The following RAPGEF4 variants were observed in gnomAD, a reference collection of about 807,000 sequenced individuals.
RAPGEF4 encodes the protein Rap guanine nucleotide exchange factor 4.
A neutral mutation model predicts 147.9 loss-of-function variants in RAPGEF4; 66 were observed. The observed-to-expected ratio is 0.45, with a 90% CI of 0.37 to 0.55. The LOEUF (loss-of-function observed/expected upper bound fraction) is 0.55, where lower values mean the gene tolerates loss of function less well. Among genes scored for constraint, RAPGEF4 ranks in the 20% least tolerant of loss-of-function variants. RAPGEF4 has a pLI of 0.00. For missense variants in RAPGEF4, 1,071 were observed against 1,257.3 expected (o/e 0.85, Z 2.24); for synonymous variants, 419 against 442.7 (o/e 0.95, Z 0.67).
Position 173,031,518 on chromosome 2 carries a change from T to G in RAPGEF4, c.2649+1264T>G, listed in dbSNP as rs112511720. 6.7e-3 allele frequency among the ~76,000 whole-genome samples: 1,021 copies of G among 152,180 alleles called. 14 individuals carry two copies. Among genetic ancestry groups the G allele is most frequent in the African/African-American group, 0.023 (937 of 41,524 alleles). The stretch of plus-strand genomic sequence containing the variant: ...CCCCCTGCCACAGAGTCCAAATTAG[T>G]TGGTTGGGGACATTTTAAAAAACCA... On this transcript the variant is annotated intron_variant, in intron 26 of 30. Transcript: ENST00000397081.
intron 4 of RAPGEF4, among the ~76,000 whole-genome samples, chr2:172,853,433 T>C (rs1038503282): frequency 2.6e-5 from 4 of 152,140 alleles, no homozygotes; most frequent in African/African-American, 7.2e-5. Flanking sequence ...TTGTTTATTA[T>C]AGTTATCATC....
At chr2:173,037,158 C>T (rs1200845006) in intron 29 of RAPGEF4, among the ~76,000 whole-genome samples, 1 of 152,210 alleles carries the variant, frequency 6.6e-6, no homozygotes, top group Non-Finnish European at 1.5e-5. Context: ...CGCTCAAGTT[C>T]AGAGAAGGAA....
chr2:172,869,258 G>T (rs971540384), intron 4 of RAPGEF4, among the ~76,000 whole-genome samples: 1 of 152,048 alleles, frequency 6.6e-6, no homozygotes, highest in African/African-American at 2.4e-5. Context: ...AAAATAGAAG[G>T]TTTATCATGG....
intron 4 of RAPGEF4, among the ~76,000 whole-genome samples, chr2:172,895,088 G>T (rs1698337145): frequency 6.6e-6 from 1 of 152,036 alleles, no homozygotes; most frequent in South Asian, 2.1e-4. Context: ...TACTTTCTGG[G>T]TCTGTTTTAA....
intron 16 of RAPGEF4, 148 bp downstream of exon 16, chr2:172,996,702 G>A: frequency 1.7e-6 from 1 of 579,222 alleles, no homozygotes; most frequent in Non-Finnish European, 3.0e-6. Context: ...TGTGTGACCT[G>A]ACTGGGAACA....
At chr2:172,871,995 T>C (rs1245074934) in intron 4 of RAPGEF4, among the ~76,000 whole-genome samples, 1 of 152,176 alleles carries the variant, frequency 6.6e-6, no homozygotes, top group Non-Finnish European at 1.5e-5. Context: ...CTTCCCATGA[T>C]GTATCATCTG....
intron 2 of RAPGEF4, among the ~76,000 whole-genome samples, chr2:172,796,837 A>G (rs1229569677): frequency 2.6e-5 from 4 of 152,216 alleles, no homozygotes; most frequent in Non-Finnish European, 5.9e-5. Context: ...AAGTCACTCC[A>G]TCTAGTTATT....
intron 6 of RAPGEF4, among the ~76,000 whole-genome samples, chr2:172,955,004 G>C (rs1688585696): frequency 6.6e-6 from 1 of 152,140 alleles, no homozygotes; most frequent in Non-Finnish European, 1.5e-5. Context: ...TTAAATCCTT[G>C]AATCAGATTG....
intron 1 of RAPGEF4, among the ~76,000 whole-genome samples, chr2:172,771,761 T>C (rs1683640817): frequency 6.6e-6 from 1 of 152,164 alleles, no homozygotes; most frequent in Non-Finnish European, 1.5e-5. Flanking sequence ...TTATTTTTAA[T>C]GTTATATTAG....
At chr2:172,872,300 A>G (rs190620226) in intron 4 of RAPGEF4, among the ~76,000 whole-genome samples, 9 of 152,332 alleles carry the variant, frequency 5.9e-5, no homozygotes, top group Admixed American at 2.0e-4. Flanking sequence ...TTTAAGATAT[A>G]TGACTGACTC....
At chr2:172,822,046 C>T in intron 4 of RAPGEF4, 1 of 1,563,728 alleles carries the variant, frequency 6.4e-7, no homozygotes, top group Non-Finnish European at 8.8e-7. Context: ...TTACTGTTTG[C>T]ATTTTGGAAT....
chr2:172,799,824 G>A (rs1686790557), intron 3 of RAPGEF4, among the ~76,000 whole-genome samples: 2 of 152,144 alleles, frequency 1.3e-5, no homozygotes, highest in South Asian at 4.2e-4. Flanking sequence ...TGTGCCTAAG[G>A]GGATGATACA....
At chr2:172,990,774 G>T in intron 14 of RAPGEF4, 36 bp from the exon 15 acceptor site, 1 of 1,494,738 alleles carries the variant, frequency 6.7e-7, no homozygotes, top group Non-Finnish European at 9.3e-7. Context: ...CTGAGTAAGC[G>T]GCAGCATCTG....
intron 4 of RAPGEF4, among the ~76,000 whole-genome samples, chr2:172,883,526 A>G (rs74460987): frequency 8.5e-4 from 129 of 152,328 alleles, no homozygotes; most frequent in African/African-American, 2.7e-3. Context: ...CAAGTGGTCA[A>G]AAACATTCAT....
intron 29 of RAPGEF4, among the ~76,000 whole-genome samples, chr2:173,039,082 G>A (rs917546936): frequency 2.0e-5 from 3 of 152,150 alleles, no homozygotes; most frequent in African/African-American, 4.8e-5. Context: ...GAATAGCTAC[G>A]ATAGCCAGCA....
Position 173,036,127 on chromosome 2 carries a change from CCCTTCAAGGAA to C in RAPGEF4, c.2706_2716del (p.Ser903GlnfsTer9). ...ATCATCTCTTTTTCTCTCCTAAGGA[CCCTTCAAGGAA>C]CCACAGGGCCTACAGGCTGACAGTA... On this transcript the variant is annotated frameshift_variant, in exon 28 of 31. Transcript: ENST00000397081. LOFTEE classifies it high-confidence loss of function. 6.2e-7 allele frequency: 1 copy of C among 1,605,954 alleles called. No individual in the cohort carries two copies. Among genetic ancestry groups the C allele is most frequent in the Non-Finnish European group, 8.5e-7 (1 of 1,173,002 alleles).
At chr2:172,920,125 C>G (rs1575241928) in intron 5 of RAPGEF4, among the ~76,000 whole-genome samples, 1 of 152,110 alleles carries the variant, frequency 6.6e-6, no homozygotes, top group Admixed American at 6.5e-5. Context: ...GAGAATGATA[C>G]AGTTAACACC....
In RAPGEF4 at chr2:172,760,484, C is replaced by T. The variant is rs376664719; in HGVS notation, c.65+24436C>T. ...CTGTAATCCCAGCACTTTGGGAGGC[C>T]GAGGTGGGTGGATCACAAGGTCAGG... On this transcript the variant is annotated intron_variant, in intron 1 of 30. Transcript: ENST00000397081. Among the ~76,000 whole-genome samples, 26 of 152,138 alleles carry T rather than the reference C, an allele frequency of 1.7e-4. No individual in the cohort carries two copies. In the East Asian group the frequency reaches 2.5e-3, roughly 15 times the overall value.
Position 172,797,505 on chromosome 2 carries a change from TCA to T in RAPGEF4, c.209-17_209-16del. 6.3e-7 allele frequency: 1 copy of T among 1,594,248 alleles called. No homozygotes were observed. Among genetic ancestry groups the T allele is most frequent in the Non-Finnish European group, 8.6e-7 (1 of 1,164,530 alleles). On this transcript the variant is annotated intron_variant, in intron 2 of 30. Transcript: ENST00000397081. Reference sequence around the variant, plus strand: ...CCAAGTTGTATCTGTTATATTTATATCACAATTTTTTTTTCCCAGTATTTCGC... The same window carrying T: ...CCAAGTTGTATCTGTTATATTTATATCAATTTTTTTTTCCCAGTATTTCGC...
Sources: allele counts gnomAD v4.1 joint callset (sites outside exome capture counted in the v4.1 genomes callset), GRCh38; gene constraint gnomAD v4.1.1; transcripts MANE v1.5; gene names NCBI Gene and HGNC (gene_info 2026-07-23, HGNC 2026-07-21).